Variants in ZZZ3 observed in about 807,000 individuals in gnomAD.
ZZZ3 encodes ZZ-type zinc finger-containing protein 3.
A neutral mutation model predicts 95.2 loss-of-function variants in ZZZ3; 22 were observed. The observed-to-expected ratio is 0.23, with a 90% CI of 0.17 to 0.33. ZZZ3 has a LOEUF of 0.33. Among genes scored for constraint, ZZZ3 ranks in the 10% least tolerant of loss-of-function variants. The pLI is 1.00. For missense variants in ZZZ3, 885 were observed against 1,066.5 expected (o/e 0.83, Z 2.37); for synonymous variants, 335 against 358.9 (o/e 0.93, Z 0.75).
chr1:77,631,949 G>C lies in ZZZ3; in HGVS notation c.1406C>G (p.Ala469Gly). The change falls in exon 5 of 15, where the codon GCC (alanine) becomes GGC (glycine). Residue 469 changes from alanine to glycine, a missense_variant. Coordinates refer to ENST00000370801, the MANE Select transcript of ZZZ3 (RefSeq NM_015534.6). Reference protein sequence around the residue: ...ARLNIGHLPSAKESASQHITE... With the variant: ...ARLNIGHLPSGKESASQHITE... ...AATGTGCTGACTGGCACTCTCTTTG[G>C]CAGATGGCAAATGTCCAATATTGAG... The C allele has an allele frequency of 6.2e-7, 1 of 1,614,022 alleles. No individual in the cohort carries two copies. Among genetic ancestry groups the C allele is most frequent in the South Asian group, 1.1e-5 (1 of 91,068 alleles).
At chr1:77,630,487 A>G (rs570425083) in intron 5 of ZZZ3, among the ~76,000 whole-genome samples, 138 of 152,082 alleles carry the variant, frequency 9.1e-4, no homozygotes, top group Non-Finnish European at 1.7e-3. Context: ...AAAAACGAAA[A>G]ACAAAAACAA....
chr1:77,590,662 C>T (rs572308479), intron 5 of ZZZ3, among the ~76,000 whole-genome samples: 33 of 152,292 alleles, frequency 2.2e-4, no homozygotes, highest in African/African-American at 7.9e-4. Flanking sequence ...GGTTAAACAG[C>T]TATAAAGGAC....
chr1:77,673,407 G>A (rs887009651), intron 1 of ZZZ3, among the ~76,000 whole-genome samples: 1 of 152,024 alleles, frequency 6.6e-6, no homozygotes, highest in African/African-American at 2.4e-5. Flanking sequence ...AACCAGCCTG[G>A]ACAACGTGGA....
At chr1:77,676,114 T>C (rs374491767) in intron 1 of ZZZ3, among the ~76,000 whole-genome samples, 1 of 152,186 alleles carries the variant, frequency 6.6e-6, no homozygotes, top group Non-Finnish European at 1.5e-5. Flanking sequence ...TTTCTCTAAT[T>C]CCCCAAAATC....
chr1:77,617,407 G>A (rs915950066), intron 5 of ZZZ3, among the ~76,000 whole-genome samples: 1 of 152,054 alleles, frequency 6.6e-6, no homozygotes, highest in African/African-American at 2.4e-5. Context: ...ATTGTGTCTG[G>A]TTTCTTTCAT....
At position 77,576,092 on chromosome 1, in the gene ZZZ3, C is replaced by A; in HGVS notation, c.2307G>T (p.Met769Ile). The stretch of plus-strand genomic sequence containing the variant: ...CTGATGCATCTTCAACAGCAGTGTT[C>A]ATGTGGCTATGAAAACAAGATCGGT... ...DDDRSCFHSH[M>I]NTAVEDASDD... Residue 769 changes from methionine to isoleucine, a missense_variant, in exon 12 of 15, where the codon ATG (methionine) becomes ATT (isoleucine). Around this residue, in one of 5 missense-constraint regions of ZZZ3, gnomAD observed 221 missense variants for 247.8 expected, o/e 0.89. Coordinates refer to ENST00000370801, the MANE Select transcript of ZZZ3 (RefSeq NM_015534.6). 1 of 1,611,136 alleles carries A rather than the reference C, an allele frequency of 6.2e-7. No individual in the cohort carries two copies. Among genetic ancestry groups the A allele is most frequent in the Non-Finnish European group, 8.5e-7 (1 of 1,179,176 alleles).
At chr1:77,610,522 C>T (rs778190424) in intron 5 of ZZZ3, among the ~76,000 whole-genome samples, 1 of 151,738 alleles carries the variant, frequency 6.6e-6, no homozygotes, top group Non-Finnish European at 1.5e-5. Flanking sequence ...AAGAAAACTA[C>T]AGGCCAATAT....
chr1:77,622,220 T>C (rs1318694993), intron 5 of ZZZ3, among the ~76,000 whole-genome samples: 5 of 151,874 alleles, frequency 3.3e-5, no homozygotes, highest in Non-Finnish European at 5.9e-5. Context: ...GGTGGGAGGA[T>C]TGCTTGAGCC....
At chr1:77,675,187 G>A (rs1672148062) in intron 1 of ZZZ3, among the ~76,000 whole-genome samples, 2 of 152,078 alleles carry the variant, frequency 1.3e-5, no homozygotes, top group Non-Finnish European at 2.9e-5. Flanking sequence ...CCCTTTGCCA[G>A]GAGAAATAAT....
chr1:77,578,667 G>T, intron 11 of ZZZ3, 107 bp downstream of exon 11: 1 of 610,334 alleles, frequency 1.6e-6, no homozygotes, highest in Non-Finnish European at 2.5e-6. Flanking sequence ...AGAATGAACA[G>T]AAGTTTTAAA....
intron 12 of ZZZ3, among the ~76,000 whole-genome samples, chr1:77,575,660 G>A (rs142272313): frequency 8.9e-4 from 135 of 152,258 alleles, no homozygotes; most frequent in African/African-American, 3.2e-3. Flanking sequence ...TGAACCTATT[G>A]TGATTTATGG....
At position 77,646,514 on chromosome 1, in the gene ZZZ3, C is replaced by A. The variant is rs139818518; in HGVS notation, c.-402-4859G>T. 3.9e-5 allele frequency among the ~76,000 whole-genome samples: 6 copies of A among 152,188 alleles called. No homozygotes were observed. In the East Asian group the frequency reaches 1.2e-3, roughly 29 times the overall value. ...CTGGGATTACAGACATGAGTTATGGCGCCCAGCTCTGCTTTCGTTAAGTCT... is the reference window on the plus strand; with the variant it reads ...CTGGGATTACAGACATGAGTTATGGAGCCCAGCTCTGCTTTCGTTAAGTCT... On this transcript the variant is annotated intron_variant, in intron 1 of 14. Transcript: ENST00000370801.
intron 12 of ZZZ3, among the ~76,000 whole-genome samples, chr1:77,571,349 T>A (rs1292950418): frequency 6.6e-6 from 1 of 152,076 alleles, no homozygotes; most frequent in Non-Finnish European, 1.5e-5. Context: ...TTATGCACTG[T>A]TGGTGAGAAT....
intron 5 of ZZZ3, among the ~76,000 whole-genome samples, chr1:77,599,539 TA>T (rs780865518): frequency 3.1e-4 from 47 of 152,198 alleles, no homozygotes; most frequent in Middle Eastern, 3.4e-3. Flanking sequence ...AATTTATCTG[TA>T]ATACTGAGCT....
chr1:77,568,215 G>A (rs1661010218), intron 13 of ZZZ3, 117 bp downstream of exon 13: 4 of 780,130 alleles, frequency 5.1e-6, no homozygotes, highest in Non-Finnish European at 7.8e-6. Flanking sequence ...GGAGGCAGAG[G>A]TTGCAGTAAG....
intron 1 of ZZZ3, among the ~76,000 whole-genome samples, chr1:77,654,639 T>C (rs995511336): frequency 1.3e-5 from 2 of 151,878 alleles, no homozygotes; most frequent in Non-Finnish European, 2.9e-5. Context: ...AAAGAAAAAA[T>C]AGGAAATAAA....
chr1:77,656,179 G>A (rs1670252585), intron 1 of ZZZ3, among the ~76,000 whole-genome samples: 1 of 152,058 alleles, frequency 6.6e-6, no homozygotes, highest in East Asian at 1.9e-4. Context: ...CTGCCTAACT[G>A]TATACTGCAT....
At chr1:77,595,926 A>G (rs1481548119) in intron 5 of ZZZ3, among the ~76,000 whole-genome samples, 1 of 152,096 alleles carries the variant, frequency 6.6e-6, no homozygotes, top group Non-Finnish European at 1.5e-5. Flanking sequence ...CAAGATACGA[A>G]TACTTGCTAC....
chr1:77,635,195 A>G (rs1668186697), intron 4 of ZZZ3, among the ~76,000 whole-genome samples: 1 of 152,264 alleles, frequency 6.6e-6, no homozygotes, highest in Non-Finnish European at 1.5e-5. Context: ...CCTGCTGACA[A>G]GTGAATTAAG....
Sources: gnomAD v4.1 joint callset for allele counts (sites outside exome capture counted in the v4.1 genomes callset) on GRCh38, gnomAD v4.1.1 for gene constraint, gnomAD v4.1.1 regional missense constraint, MANE v1.5 for transcripts, NCBI Gene and HGNC (gene_info 2026-07-23, HGNC 2026-07-21) for gene names.